GAK: variants seen among roughly 807,000 people sequenced by gnomAD.
The protein encoded by GAK is cyclin-G-associated kinase.
A neutral mutation model predicts 143.9 loss-of-function variants in GAK; 79 were observed. The ratio of observed to expected loss-of-function variants is 0.55; its 90% confidence interval spans 0.46 to 0.66. GAK has a LOEUF of 0.66. Ranked by LOEUF, GAK falls within the 30% of genes least tolerant of loss-of-function variation. The pLI is 0.00. For missense variants in GAK, 1,693 were observed against 1,779.7 expected, an observed-to-expected ratio of 0.95 and a Z score of 0.88; for synonymous variants, 881 against 765.5, an observed-to-expected ratio of 1.15 and a Z score of -2.49.
rs557964267 is a variant in GAK at position 880,557 on chromosome 4, G to A, written c.1661+1350C>T. 2.0e-5 allele frequency among the ~76,000 whole-genome samples: 3 copies of A among 152,214 alleles called. No individual in the cohort carries two copies. In the South Asian group the frequency reaches 6.2e-4, roughly 32 times the overall value. On this transcript the variant is annotated intron_variant, in intron 15 of 27. Coordinates refer to ENST00000314167, the MANE Select transcript of GAK (RefSeq NM_005255.4). ...GAGACTGTGCCTTCCAGAGGGCAAG[G>A]ACCCTTCCAGTCCTGCAACCCTGAA...
chr4:912,205 G>A (rs1222475157), intron 3 of GAK: 1 of 453,798 alleles, frequency 2.2e-6, no homozygotes, highest in East Asian at 7.0e-5. Context: ...AGAGTCTGAG[G>A]GCAGCCAGGG....
rs779383845 is a variant in GAK at position 866,552 on chromosome 4, C to T, written c.2873-18G>A. On this transcript the variant is annotated intron_variant, in intron 21 of 27. Transcript: ENST00000314167. ...GGGGTCAGCTGTGGGGACAGGCGGG[C>T]ATGGGGAGGACTCAGCCCGGCTGCC... The T allele has an allele frequency of 6.2e-7, 1 of 1,610,100 alleles. No homozygotes were observed. The highest frequency in any genetic ancestry group is 8.5e-7 in the Non-Finnish European group (1 of 1,178,512).
At chr4:920,372 C>T (rs1447205236) in intron 1 of GAK, among the ~76,000 whole-genome samples, 1 of 151,686 alleles carries the variant, frequency 6.6e-6, no homozygotes, top group Non-Finnish European at 1.5e-5. Flanking sequence ...CTTTTAACAC[C>T]TCTAACGCAG....
At chr4:926,544 G>A (rs1282846861) in intron 1 of GAK, among the ~76,000 whole-genome samples, 1 of 152,228 alleles carries the variant, frequency 6.6e-6, no homozygotes, top group Non-Finnish European at 1.5e-5. Context: ...CAGGGCTACT[G>A]TGAGGACCAC....
chr4:850,923 C>G lies in GAK; in HGVS notation c.3657+13G>C, dbSNP rs549936853. 1.1e-4 allele frequency: 183 copies of G among 1,608,720 alleles called. No homozygotes were observed. The East Asian group carries it at 3.7e-3, about 33-fold the overall frequency. On this transcript the variant is annotated intron_variant, in intron 26 of 27. Coordinates refer to ENST00000314167, the MANE Select transcript of GAK (RefSeq NM_005255.4). ...GCCTCTGGGCTCCCAGGAAGAGCTG[C>G]CCACCCACCCACCTTCAGCTTGAGT... is the stretch of plus-strand genomic sequence containing the variant.
chr4:898,743 G>C (rs1015080363), intron 5 of GAK, among the ~76,000 whole-genome samples: 4 of 152,106 alleles, frequency 2.6e-5, no homozygotes, highest in Non-Finnish European at 5.9e-5. Flanking sequence ...GGCGCCTGTA[G>C]TCCCAGCTAC....
chr4:913,773 G>T, intron 1 of GAK, 105 bp from the exon 2 acceptor site: 4 of 1,003,812 alleles, frequency 4.0e-6, no homozygotes, highest in East Asian at 5.1e-5. Flanking sequence ...TTGTGGCGTG[G>T]CCAGCAGTTT....
At chr4:901,622 G>A (rs1719888792) in intron 5 of GAK, among the ~76,000 whole-genome samples, 1 of 152,260 alleles carries the variant, frequency 6.6e-6, no homozygotes, top group Non-Finnish European at 1.5e-5. Context: ...TCTGGACACA[G>A]GCCAGGTAGA....
intron 4 of GAK, among the ~76,000 whole-genome samples, chr4:911,407 A>T (rs1298378031): frequency 6.6e-6 from 1 of 152,246 alleles, no homozygotes; most frequent in East Asian, 1.9e-4. Context: ...GGAGACAGGC[A>T]GGATGGGAGC....
At chr4:901,817 G>A (rs558801358) in intron 5 of GAK, among the ~76,000 whole-genome samples, 8 of 152,240 alleles carry the variant, frequency 5.3e-5, no homozygotes, top group South Asian at 2.1e-4. Flanking sequence ...CAGAGGCGCC[G>A]CTCCCGATTA....
chr4:872,913 T>G (rs1014616994), intron 18 of GAK: 6 of 151,870 alleles, frequency 4.0e-5, no homozygotes, highest in African/African-American at 1.5e-4. Flanking sequence ...TGCAACCCTG[T>G]GCTCCTCTCG....
intron 23 of GAK, among the ~76,000 whole-genome samples, chr4:860,362 C>T (rs1466345791): frequency 1.3e-5 from 2 of 150,262 alleles, no homozygotes; most frequent in Non-Finnish European, 3.0e-5. Context: ...AAAAAAAAAA[C>T]CGTGGTAGAG....
At chr4:909,094 G>A (rs1464558130) in intron 4 of GAK, among the ~76,000 whole-genome samples, 1 of 152,172 alleles carries the variant, frequency 6.6e-6, no homozygotes, top group Non-Finnish European at 1.5e-5. Context: ...CGATGCACCC[G>A]CCTCGGCCTC....
In GAK at chr4:888,965, C is replaced by G. The variant is rs754913836; in HGVS notation, c.1087G>C (p.Ala363Pro). 6.8e-5 allele frequency: 109 copies of G among 1,611,086 alleles called. No individual in the cohort carries two copies. The highest frequency in any genetic ancestry group is 8.2e-5 in the Non-Finnish European group (97 of 1,179,530). The change falls in exon 11 of 28, where the codon GCG becomes CCG. Residue 363 changes from alanine to proline, a missense_variant. Ala to Pro is a conservative substitution (Grantham distance 27). Transcript: ENST00000314167. ...PAGSGYSGGL[A>P]LAEYDQPYGG... Reference sequence around the variant, plus strand: ...TACGGCTGGTCGTACTCCGCCAGCGCCAGGCCTGCAGGGAGACACAGTCTC... The same window carrying G: ...TACGGCTGGTCGTACTCCGCCAGCGGCAGGCCTGCAGGGAGACACAGTCTC...
chr4:888,700 G>C, intron 11 of GAK, 147 bp downstream of exon 11: 1 of 929,070 alleles, frequency 1.1e-6, no homozygotes, highest in East Asian at 2.7e-5. Context: ...GACTCCCTGG[G>C]AGAAGCGGGT....
At chr4:863,668 A>T (rs540647333) in intron 23 of GAK, among the ~76,000 whole-genome samples, 1 of 152,206 alleles carries the variant, frequency 6.6e-6, no homozygotes, top group Non-Finnish European at 1.5e-5. Flanking sequence ...ATTTTTTAGC[A>T]ATGAAGTATT....
intron 22 of GAK, among the ~76,000 whole-genome samples, chr4:865,510 A>G (rs3775135): frequency 0.62 from 94,437 of 152,000 alleles, 29,541 homozygotes; most frequent in South Asian, 0.81. Context: ...ATTCCCATCC[A>G]AAAGGGTTTG....
intron 9 of GAK, among the ~76,000 whole-genome samples, chr4:891,330 T>C (rs1717618025): frequency 6.6e-6 from 1 of 151,432 alleles, no homozygotes. Context: ...AGTGGCATGA[T>C]CTGGGCTCAC....
At chr4:876,760 C>T (rs539057948) in intron 17 of GAK, 151 bp from the exon 18 acceptor site, 11 of 690,070 alleles carry the variant, frequency 1.6e-5, no homozygotes, top group African/African-American at 3.5e-5. Flanking sequence ...GTGGGGGAAG[C>T]GGGAGAGGGT....
Sources: allele counts gnomAD v4.1 joint callset (sites outside exome capture counted in the v4.1 genomes callset), GRCh38; gene constraint gnomAD v4.1.1; transcripts MANE v1.5; gene names NCBI Gene and HGNC (gene_info 2026-07-23, HGNC 2026-07-21).